Variants in WARS2 observed in about 807,000 individuals in gnomAD.
WARS2 encodes tryptophanyl tRNA synthetase 2, mitochondrial, also known as tryptophan--tRNA ligase, mitochondrial.
WARS2 carries 28 observed loss-of-function variants against 36.5 expected under a neutral mutation model. The ratio of observed to expected loss-of-function variants is 0.77; its 90% CI spans 0.57 to 1.05. The LOEUF is 1.05. Among genes scored for constraint, WARS2 ranks in the 50% least tolerant of loss-of-function variants. The pLI, the probability that WARS2 is intolerant of heterozygous loss-of-function variation, is 0.00. For missense variants in WARS2, 435 were observed against 456.8 expected (o/e 0.95, Z 0.44); for synonymous variants, 174 against 178.4 (o/e 0.98, Z 0.20).
At chr1:119,127,232 T>C (rs1655728024) in intron 1 of WARS2, 2 of 760,806 alleles carry the variant, frequency 2.6e-6, no homozygotes, top group Admixed American at 3.6e-5. Flanking sequence ...GATCGACCAC[T>C]TTCTTCTTGG....
At chr1:119,088,261 G>A (rs918713170) in intron 1 of WARS2, among the ~76,000 whole-genome samples, 5 of 152,100 alleles carry the variant, frequency 3.3e-5, no homozygotes, top group Non-Finnish European at 7.4e-5. Context: ...ACTGATGCCT[G>A]GGCACCACCC....
chr1:119,060,607 C>CT (rs1650293430), intron 2 of WARS2, among the ~76,000 whole-genome samples: 1 of 152,146 alleles, frequency 6.6e-6, no homozygotes, highest in African/African-American at 2.4e-5. Context: ...AGTTTCAACT[C>CT]TGAGCAAAAT....
chr1:119,116,290 C>T (rs1425291403), intron 1 of WARS2, among the ~76,000 whole-genome samples: 1 of 152,088 alleles, frequency 6.6e-6, no homozygotes, highest in Non-Finnish European at 1.5e-5. Context: ...GAAATAAATA[C>T]GTTTACCTTC....
At chr1:119,120,885 G>A (rs1655285259) in intron 1 of WARS2, among the ~76,000 whole-genome samples, 1 of 151,924 alleles carries the variant, frequency 6.6e-6, no homozygotes, top group Admixed American at 6.6e-5. Context: ...AGCATAGAAG[G>A]GATATATCTT....
At chr1:119,050,905 A>T (rs1002345047) in intron 2 of WARS2, among the ~76,000 whole-genome samples, 2 of 152,194 alleles carry the variant, frequency 1.3e-5, no homozygotes, top group Admixed American at 1.3e-4. Flanking sequence ...GAAAGAATTG[A>T]AGGAACCCTC....
intron 1 of WARS2, among the ~76,000 whole-genome samples, chr1:119,135,578 A>C (rs1229845399): frequency 6.6e-6 from 1 of 152,200 alleles, no homozygotes; most frequent in Non-Finnish European, 1.5e-5. Context: ...GATGAATAAT[A>C]TTTACAAATT....
At chr1:119,117,303 T>G (rs866465284) in intron 1 of WARS2, among the ~76,000 whole-genome samples, 3 of 152,156 alleles carry the variant, frequency 2.0e-5, no homozygotes, top group African/African-American at 4.8e-5. Context: ...GAGCTCAGAC[T>G]TGCCTAACCC....
chr1:119,076,237 A>G, intron 2 of WARS2, 113 bp downstream of exon 2: 1 of 1,327,668 alleles, frequency 7.5e-7, no homozygotes, highest in Non-Finnish European at 1.0e-6. Flanking sequence ...TGAAAAAGTC[A>G]CCTTCAAACA....
chr1:119,069,605 G>A (rs1483636663), intron 2 of WARS2, among the ~76,000 whole-genome samples: 1 of 152,182 alleles, frequency 6.6e-6, no homozygotes, highest in Non-Finnish European at 1.5e-5. Context: ...AACACAAACT[G>A]ATAATAAAAG....
rs370059389 is a variant in WARS2, at chr1:119,055,568, G to A, written c.349-9906C>T. Among the ~76,000 whole-genome samples the A allele has an allele frequency of 1.7e-4, 26 of 152,280 alleles. No homozygotes were observed. In the East Asian group the frequency reaches 4.8e-3, roughly 28 times the overall value. On this transcript the variant is annotated intron_variant, in intron 2 of 5. Transcript: ENST00000235521. ...GAGGCACAAGATTCACTTGAACCCA[G>A]GAGGCAGAGGTTATAGTGAGTCGAG...
intron 2 of WARS2, among the ~76,000 whole-genome samples, chr1:119,073,237 C>T (rs1487750154): frequency 1.3e-5 from 2 of 151,032 alleles, no homozygotes; most frequent in Non-Finnish European, 1.5e-5. Context: ...GTATAGTATA[C>T]TACTCTCTCT....
intron 1 of WARS2, among the ~76,000 whole-genome samples, chr1:119,088,138 T>G (rs1416687190): frequency 6.6e-6 from 1 of 152,138 alleles, no homozygotes; most frequent in Non-Finnish European, 1.5e-5. Flanking sequence ...TCACTTCAAC[T>G]GCAGAAAATG....
intron 1 of WARS2, among the ~76,000 whole-genome samples, chr1:119,099,874 T>C (rs1423724533): frequency 1.3e-5 from 2 of 152,158 alleles, no homozygotes; most frequent in African/African-American, 4.8e-5. Flanking sequence ...GGAAAAGCTC[T>C]CCTGCACACT....
intron 1 of WARS2, among the ~76,000 whole-genome samples, chr1:119,122,519 C>T (rs587697790): frequency 4.6e-5 from 7 of 152,192 alleles, no homozygotes; most frequent in Admixed American, 3.3e-4. Flanking sequence ...AATGACCATT[C>T]GATCCAGCAA....
At chr1:119,040,453 T>A (rs758439691) in intron 4 of WARS2, among the ~76,000 whole-genome samples, 1 of 152,356 alleles carries the variant, frequency 6.6e-6, no homozygotes, top group South Asian at 2.1e-4. Context: ...CACGCTCATG[T>A]GTTTTCTTAT....
At chr1:119,038,730 G>C (rs1368520623) in intron 4 of WARS2, among the ~76,000 whole-genome samples, 1 of 152,082 alleles carries the variant, frequency 6.6e-6, no homozygotes, top group Non-Finnish European at 1.5e-5. Context: ...ACCCAGGCTA[G>C]AGTGCAGTGG....
chr1:119,100,948 G>A (rs587712987), intron 1 of WARS2, among the ~76,000 whole-genome samples: 67 of 152,232 alleles, frequency 4.4e-4, no homozygotes, highest in Non-Finnish European at 7.1e-4. Flanking sequence ...AGTGAAATAA[G>A]CCAGGCACCA....
intron 1 of WARS2, among the ~76,000 whole-genome samples, chr1:119,116,001 C>T (rs587739727): frequency 5.9e-5 from 9 of 152,308 alleles, no homozygotes; most frequent in African/African-American, 2.2e-4. Context: ...TCAGAATTGA[C>T]TAGCATAAGC....
Position 119,076,367 on chromosome 1 carries a change from G to T in WARS2, c.331C>A (p.Leu111Ile). 1.2e-6 allele frequency: 2 copies of T among 1,614,138 alleles called. No homozygotes were observed. Among genetic ancestry groups the T allele is most frequent in the Non-Finnish European group, 1.7e-6 (2 of 1,180,006 alleles). Residue 111 changes from leucine to isoleucine, a missense_variant, in exon 2 of 6, where the codon CTT (leucine) becomes ATT (isoleucine). Coordinates refer to ENST00000235521, the MANE Select transcript of WARS2 (RefSeq NM_015836.4). Reference sequence around the variant, plus strand: ...AAGCTGACCTGAGATTGTTGGAAAAGGATGCTTTTTTCCGGGTTTATGCCA... The same window carrying T: ...AAGCTGACCTGAGATTGTTGGAAAATGATGCTTTTTTCCGGGTTTATGCCA... ...ACGINPEKSI[L>I]FQQSQVSEHT...
Sources: allele counts gnomAD v4.1 joint callset (sites outside exome capture counted in the v4.1 genomes callset), GRCh38; gene constraint gnomAD v4.1.1; transcripts MANE v1.5; gene names NCBI Gene and HGNC (gene_info 2026-07-23, HGNC 2026-07-21).